SCUBE1: variants seen among roughly 807,000 people sequenced by gnomAD.
The protein encoded by SCUBE1 is signal peptide, CUB domain and EGF like domain containing 1.
A neutral mutation model predicts 124.4 loss-of-function variants in SCUBE1; 59 were observed. That is an observed-to-expected ratio of 0.47 (90% CI 0.38 to 0.59). The LOEUF (loss-of-function observed/expected upper bound fraction) is 0.59, where lower values mean the gene tolerates loss of function less well. Among genes scored for constraint, SCUBE1 ranks in the 20% least tolerant of loss-of-function variants. SCUBE1 has a pLI of 0.00. For synonymous variants in SCUBE1, 545 were observed against 550.9 expected, an observed-to-expected ratio of 0.99 and a Z score of 0.15; for missense variants, 1,150 against 1,371.2, an observed-to-expected ratio of 0.84 and a Z score of 2.55.
chr22:43,208,348 C>A, intron 19 of SCUBE1, 124 bp from the exon 20 acceptor site: 1 of 852,598 alleles, frequency 1.2e-6, no homozygotes, highest in South Asian at 1.6e-5. Context: ...CCAAACACAA[C>A]GGCTTAGTCT....
intron 2 of SCUBE1, among the ~76,000 whole-genome samples, chr22:43,328,130 C>T (rs560384555): frequency 8.5e-5 from 13 of 152,256 alleles, no homozygotes; most frequent in African/African-American, 2.6e-4. Flanking sequence ...CCCACCAAAC[C>T]GATATGATGA....
Position 43,238,819 on chromosome 22 carries a change from C to T in SCUBE1, c.844+19G>A. 1 of 1,601,500 alleles carries T rather than the reference C, an allele frequency of 6.2e-7. No individual in the cohort carries two copies. The highest frequency in any genetic ancestry group is 8.6e-7 in the Non-Finnish European group (1 of 1,169,474). ...AGGCCAGTACAGGCAGGGGCACCCA[C>T]ACAGCTCCACATGCTGACCTTTGCA... On this transcript the variant is annotated intron_variant, in intron 7 of 21. Transcript: ENST00000360835.
chr22:43,219,694 G>A (rs1922004998), intron 14 of SCUBE1, among the ~76,000 whole-genome samples: 1 of 152,100 alleles, frequency 6.6e-6, no homozygotes, highest in Non-Finnish European at 1.5e-5. Flanking sequence ...GGCTGGTCTT[G>A]AACTCCTGAA....
intron 3 of SCUBE1, among the ~76,000 whole-genome samples, chr22:43,295,840 G>C (rs1464444487): frequency 6.6e-6 from 1 of 152,196 alleles, no homozygotes; most frequent in East Asian, 1.9e-4. Flanking sequence ...CCAAGCTCCA[G>C]GGCACTGGGC....
chr22:43,302,195 T>C (rs2146764398), intron 3 of SCUBE1, among the ~76,000 whole-genome samples: 1 of 152,294 alleles, frequency 6.6e-6, no homozygotes, highest in African/African-American at 2.4e-5. Flanking sequence ...ACCCTCACAG[T>C]CATTGCCAGC....
intron 4 of SCUBE1, among the ~76,000 whole-genome samples, chr22:43,285,587 TC>T (rs1925107481): frequency 1.3e-5 from 2 of 152,142 alleles, no homozygotes; most frequent in South Asian, 4.1e-4. Flanking sequence ...CCAACAGTTT[TC>T]CCTGAGGGCT....
chr22:43,272,633 C>A (rs1320894826), intron 4 of SCUBE1: 1 of 152,222 alleles, frequency 6.6e-6, no homozygotes, highest in Non-Finnish European at 1.5e-5. Context: ...CTGATCTGCT[C>A]TCCTAGGGGC....
rs149181465 is a variant in SCUBE1 at position 43,258,605 on chromosome 22, G to A, written c.611-270C>T. On this transcript the variant is annotated intron_variant, in intron 5 of 21. Coordinates refer to ENST00000360835, the MANE Select transcript of SCUBE1 (RefSeq NM_173050.5). This position sits in a 1 kb window ranked among gnomAD's most constrained non-coding sequence, Gnocchi z 5.0. The stretch of plus-strand genomic sequence containing the variant: ...CTGGGCTTTGATCAGAGCAGGCACA[G>A]AGGTGATGCGCTCAGATGGTGGTAG... Among the ~76,000 whole-genome samples, 1,078 of 152,328 alleles carry A rather than the reference G, an allele frequency of 7.1e-3. 5 individuals carry two copies. Among genetic ancestry groups the A allele is most frequent in the Non-Finnish European group, 0.011 (736 of 68,026 alleles).
At chr22:43,215,595 A>G (rs1369999057) in intron 15 of SCUBE1, among the ~76,000 whole-genome samples, 1 of 152,244 alleles carries the variant, frequency 6.6e-6, no homozygotes, top group East Asian at 1.9e-4. Flanking sequence ...TGGGGCACCC[A>G]GGATTAGGCC....
At position 43,210,142 on chromosome 22, in the gene SCUBE1, T is replaced by C. The variant is rs202101762; in HGVS notation, c.2482A>G (p.Ile828Val). The C allele has an allele frequency of 1.5e-4, 240 of 1,612,086 alleles. No homozygotes were observed. The highest frequency in any genetic ancestry group is 8.6e-5 in the Non-Finnish European group (102 of 1,179,412). Residue 828 changes from isoleucine to valine, a missense_variant, in exon 19 of 22, where the codon ATC becomes GTC. Physicochemically the swap from Ile to Val is conservative, Grantham distance 29. This residue lies in a region of SCUBE1 where 757 missense variants were observed against 840.9 expected (regional missense o/e 0.90). Transcript: ENST00000360835. The surrounding 1 kb of genome is among the most constrained non-coding windows in gnomAD (Gnocchi z 4.5). The part of the protein sequence containing the change: ...YPANAECVWH[I>V]APPPKRRILI... ...ATCCTGCGCTTTGGGGGAGGCGCGA[T>C]GTGCCAGACGCATTCAGCGTTGGCT... is the stretch of plus-strand genomic sequence containing the variant.
At chr22:43,291,795 C>T (rs553029450) in intron 3 of SCUBE1, among the ~76,000 whole-genome samples, 1 of 152,292 alleles carries the variant, frequency 6.6e-6, no homozygotes, top group East Asian at 1.9e-4. Flanking sequence ...AAGCATCTTA[C>T]CTGTATTAAT....
rs983945662 is a variant in SCUBE1 at position 43,203,329 on chromosome 22, G to A, written c.*668C>T. On this transcript the variant is annotated 3_prime_UTR_variant, in exon 22 of 22. Coordinates refer to ENST00000360835, the MANE Select transcript of SCUBE1 (RefSeq NM_173050.5). ...ACAATTCATATTTACAGTGACCAAAGGGCATTTTCCTAAAGTACCCACAAA... is the reference window on the plus strand; with the variant it reads ...ACAATTCATATTTACAGTGACCAAAAGGCATTTTCCTAAAGTACCCACAAA... 1 of 150,300 alleles carries A rather than the reference G, an allele frequency of 6.7e-6. No homozygotes were observed. Among genetic ancestry groups the A allele is most frequent in the Admixed American group, 6.6e-5 (1 of 15,050 alleles). The allele number at this position is 150,300 out of a possible 1,614,324, so 9.3% of individuals were successfully genotyped here.
In SCUBE1 at chr22:43,255,645, A is replaced by G; in HGVS notation, c.727+2574T>C. Reference sequence around the variant, plus strand: ...GACAGCCCACTTCCCGCGGCCCAAGACAGTCAGCCTCTCGGCGTGGCGCAC... The same window carrying G: ...GACAGCCCACTTCCCGCGGCCCAAGGCAGTCAGCCTCTCGGCGTGGCGCAC... On this transcript the variant is annotated intron_variant, in intron 6 of 21. Transcript: ENST00000360835. The surrounding 1 kb of genome is among the most constrained non-coding windows in gnomAD (Gnocchi z 4.7). The G allele has an allele frequency of 7.4e-7, 1 of 1,354,852 alleles. No homozygotes were observed. Among genetic ancestry groups the G allele is most frequent in the Non-Finnish European group, 1.0e-6 (1 of 971,160 alleles). The allele number at this position is 1,354,852 out of a possible 1,614,324, so 83.9% of individuals were successfully genotyped here.
chr22:43,206,254 A>G (rs1921274655), intron 21 of SCUBE1, among the ~76,000 whole-genome samples: 1 of 135,380 alleles, frequency 7.4e-6, no homozygotes, highest in Non-Finnish European at 1.6e-5. Flanking sequence ...ACACACCCCT[A>G]CATACCCCTA....
chr22:43,229,242 T>TGGGGTGGGG, intron 8 of SCUBE1, 54 bp from the exon 9 acceptor site: 3 of 689,520 alleles, frequency 4.4e-6, no homozygotes, highest in Non-Finnish European at 7.9e-6. Flanking sequence ...GAGTGGTGGG[T>TGGGGTGGGG]GGGCACGGCC....
At chr22:43,292,894 C>A (rs1925419143) in intron 3 of SCUBE1, among the ~76,000 whole-genome samples, 1 of 152,378 alleles carries the variant, frequency 6.6e-6, no homozygotes, top group Non-Finnish European at 1.5e-5. Flanking sequence ...ACTCTAAAAG[C>A]CGCCAGTGGT....
chr22:43,256,028 G>T (rs1923649271), intron 6 of SCUBE1, among the ~76,000 whole-genome samples: 1 of 152,174 alleles, frequency 6.6e-6, no homozygotes, highest in African/African-American at 2.4e-5. Flanking sequence ...AGGGGACAGG[G>T]CCACAAGGTC....
chr22:43,235,919 C>G (rs982976710), intron 7 of SCUBE1, among the ~76,000 whole-genome samples: 5 of 152,132 alleles, frequency 3.3e-5, no homozygotes, highest in Non-Finnish European at 7.4e-5. Flanking sequence ...CTTCCAGGCC[C>G]CCCTCGTCCC....
In SCUBE1 at chr22:43,314,656, T is replaced by C. The variant is rs558934690; in HGVS notation, c.349+5281A>G. On this transcript the variant is annotated intron_variant, in intron 3 of 21. Transcript: ENST00000360835. ...GCCTGAGTAAGACTTAGGCAAAAGG[T>C]GGCTGCTTTCAGGGTAAATGGCCAA... Among the ~76,000 whole-genome samples, 4 of 152,298 alleles carry C rather than the reference T, an allele frequency of 2.6e-5. No homozygotes were observed. In the South Asian group the frequency reaches 8.3e-4, roughly 32 times the overall value.
Sources: gnomAD v4.1 joint callset for allele counts (sites outside exome capture counted in the v4.1 genomes callset) on GRCh38, gnomAD v4.1.1 for gene constraint, gnomAD v4.1.1 regional missense constraint, Gnocchi (gnomAD v3.1) non-coding constraint, MANE v1.5 for transcripts, NCBI Gene and HGNC (gene_info 2026-07-23, HGNC 2026-07-21) for gene names.